NDUFAF2: variants seen among roughly 807,000 people sequenced by gnomAD.
NDUFAF2 encodes NADH dehydrogenase [ubiquinone] 1 alpha subcomplex assembly factor 2.
A neutral mutation model predicts 22.8 loss-of-function variants in NDUFAF2; 13 were observed. That is an observed-to-expected ratio of 0.57 (90% confidence interval 0.37 to 0.91). The LOEUF (loss-of-function observed/expected upper bound fraction) is 0.91. Among genes scored for constraint, NDUFAF2 ranks in the 40% least tolerant of loss-of-function variants. The pLI, the probability that NDUFAF2 is intolerant of heterozygous loss-of-function variation, is 0.01. For synonymous variants in NDUFAF2, 53 were observed against 64.2 expected (o/e 0.83, Z 0.84); for missense variants, 162 against 195.2 (o/e 0.83, Z 1.01).
chr5:60,971,682 A>C (rs1447198552), intron 1 of NDUFAF2, among the ~76,000 whole-genome samples: 1 of 132,374 alleles, frequency 7.6e-6, no homozygotes, highest in African/African-American at 2.9e-5. Flanking sequence ...CTCATTGTTC[A>C]GTTCCCACCT....
intron 1 of NDUFAF2, among the ~76,000 whole-genome samples, chr5:61,031,966 C>G (rs1751733255): frequency 6.6e-6 from 1 of 152,218 alleles, no homozygotes; most frequent in Non-Finnish European, 1.5e-5. Flanking sequence ...TTGCATTTCT[C>G]TAATGACCAG....
intron 1 of NDUFAF2, among the ~76,000 whole-genome samples, chr5:60,991,453 C>T (rs1235729850): frequency 6.6e-6 from 1 of 152,152 alleles, no homozygotes; most frequent in Non-Finnish European, 1.5e-5. Context: ...CCTACTTACC[C>T]TACTACCCTT....
intron 1 of NDUFAF2, among the ~76,000 whole-genome samples, chr5:61,071,310 C>A (rs1409943638): frequency 1.3e-5 from 2 of 152,156 alleles, no homozygotes; most frequent in Non-Finnish European, 2.9e-5. Context: ...ATTAAATCAG[C>A]CTGATTAAAT....
chr5:61,124,654 A>T (rs1429489849), intron 3 of NDUFAF2, among the ~76,000 whole-genome samples: 2 of 152,122 alleles, frequency 1.3e-5, no homozygotes, highest in Admixed American at 1.3e-4. Context: ...ACCCTACCAC[A>T]TTGAAATGTT....
chr5:60,956,288 C>T (rs892693493), intron 1 of NDUFAF2, among the ~76,000 whole-genome samples: 5 of 152,066 alleles, frequency 3.3e-5, no homozygotes, highest in African/African-American at 1.2e-4. Flanking sequence ...TTGGGGATTT[C>T]TATATGTAAG....
chr5:61,016,211 A>G (rs1463887202), intron 1 of NDUFAF2, among the ~76,000 whole-genome samples: 1 of 152,114 alleles, frequency 6.6e-6, no homozygotes, highest in African/African-American at 2.4e-5. Context: ...ATACAGAGGT[A>G]AAATGATTTA....
intron 1 of NDUFAF2, among the ~76,000 whole-genome samples, chr5:61,025,491 G>C (rs2112606403): frequency 6.6e-6 from 1 of 152,096 alleles, no homozygotes; most frequent in Middle Eastern, 3.4e-3. Context: ...ATTTAGTTGT[G>C]AAAGAATATG....
intron 2 of NDUFAF2, among the ~76,000 whole-genome samples, chr5:61,088,012 C>G (rs1752524058): frequency 6.6e-6 from 1 of 152,060 alleles, no homozygotes; most frequent in African/African-American, 2.4e-5. Context: ...CAACCCAAGG[C>G]TGGGTTCTCA....
intron 1 of NDUFAF2, among the ~76,000 whole-genome samples, chr5:60,990,801 T>G (rs1751148448): frequency 6.6e-6 from 1 of 152,142 alleles, no homozygotes; most frequent in Non-Finnish European, 1.5e-5. Context: ...AATTTTTAAT[T>G]TTGTGTATTT....
intron 1 of NDUFAF2, among the ~76,000 whole-genome samples, chr5:60,947,480 T>G (rs1750476974): frequency 6.6e-6 from 1 of 152,064 alleles, no homozygotes. Context: ...AAAAATCCAT[T>G]TATGGCTGGG....
chr5:61,038,473 G>C (rs1448016756), intron 1 of NDUFAF2, among the ~76,000 whole-genome samples: 2 of 152,240 alleles, frequency 1.3e-5, no homozygotes, highest in East Asian at 3.9e-4. Flanking sequence ...ACCTGTAAAT[G>C]TAGAACTTTT....
At chr5:61,122,421 T>C (rs1752987705) in intron 3 of NDUFAF2, among the ~76,000 whole-genome samples, 1 of 152,224 alleles carries the variant, frequency 6.6e-6, no homozygotes, top group Non-Finnish European at 1.5e-5. Flanking sequence ...TACTATCATT[T>C]GTACCTGTTA....
At chr5:61,021,601 T>C (rs2112604131) in intron 1 of NDUFAF2, among the ~76,000 whole-genome samples, 1 of 152,320 alleles carries the variant, frequency 6.6e-6, no homozygotes, top group East Asian at 1.9e-4. Context: ...TCTATTCACA[T>C]TATTTATATC....
intron 2 of NDUFAF2, among the ~76,000 whole-genome samples, chr5:61,093,447 ATTAAGAGTTT>A (rs1752596960): frequency 6.6e-6 from 1 of 152,154 alleles, no homozygotes. Context: ...TGCCTAGTTT[ATTAAGAGTTT>A]TTAACATGAA....
chr5:60,952,873 T>A (rs534243591), intron 1 of NDUFAF2, among the ~76,000 whole-genome samples: 1 of 152,232 alleles, frequency 6.6e-6, no homozygotes, highest in Non-Finnish European at 1.5e-5. Flanking sequence ...ATACCTATTG[T>A]TAGGTCCTTA....
At chr5:61,102,579 C>A (rs1274706640) in intron 3 of NDUFAF2, among the ~76,000 whole-genome samples, 1 of 151,824 alleles carries the variant, frequency 6.6e-6, no homozygotes, top group Non-Finnish European at 1.5e-5. Context: ...AAGAAAAAAA[C>A]AATGGAATAT....
chr5:61,020,427 A>T (rs1009068382), intron 1 of NDUFAF2, among the ~76,000 whole-genome samples: 2 of 152,152 alleles, frequency 1.3e-5, no homozygotes, highest in Admixed American at 1.3e-4. Flanking sequence ...AATAATTTAG[A>T]TGCATCTCTG....
At chr5:61,001,029 T>C (rs1580088294) in intron 1 of NDUFAF2, among the ~76,000 whole-genome samples, 1 of 152,178 alleles carries the variant, frequency 6.6e-6, no homozygotes, top group African/African-American at 2.4e-5. Context: ...TATTATACCA[T>C]GGCCTTTTTC....
At chr5:60,959,542 G>C (rs1750658230) in intron 1 of NDUFAF2, among the ~76,000 whole-genome samples, 1 of 151,946 alleles carries the variant, frequency 6.6e-6, no homozygotes, top group Non-Finnish European at 1.5e-5. Flanking sequence ...TCAATAGTAA[G>C]TAACATTCTT....
Sources: gnomAD v4.1 joint callset for allele counts (sites outside exome capture counted in the v4.1 genomes callset) on GRCh38, gnomAD v4.1.1 for gene constraint, MANE v1.5 for transcripts, NCBI Gene and HGNC (gene_info 2026-07-23, HGNC 2026-07-21) for gene names.